Variants in PSMD12 observed in about 807,000 individuals in gnomAD.
The protein encoded by PSMD12 is 26S proteasome non-ATPase regulatory subunit 12.
A neutral mutation model predicts 62.9 loss-of-function variants in PSMD12; 8 were observed. The ratio of observed to expected loss-of-function variants is 0.13; its 90% CI spans 0.07 to 0.23. The LOEUF (loss-of-function observed/expected upper bound fraction) is 0.23, where lower values mean the gene tolerates loss of function less well. Among genes scored for constraint, PSMD12 ranks in the 10% least tolerant of loss-of-function variants. PSMD12 has a pLI of 1.00. For missense variants in PSMD12, 424 were observed against 550.2 expected, an observed-to-expected ratio of 0.77 and a Z score of 2.29; for synonymous variants, 173 against 187.4, an observed-to-expected ratio of 0.92 and a Z score of 0.63.
chr17:67,341,100 C>A, intron 10 of PSMD12, 48 bp from the exon 11 acceptor site: 1 of 1,403,650 alleles, frequency 7.1e-7, no homozygotes, highest in Non-Finnish European at 9.6e-7. Context: ...AAATTACAGA[C>A]AATAAACAAA....
intron 4 of PSMD12, among the ~76,000 whole-genome samples, chr17:67,349,308 T>G (rs1448973475): frequency 6.6e-6 from 1 of 152,228 alleles, no homozygotes; most frequent in Non-Finnish European, 1.5e-5. Flanking sequence ...CGTGAGCCAC[T>G]GTGCCTGGCC....
Position 67,340,745 on chromosome 17 carries a change from CAAA to C in PSMD12, c.*95_*97del, listed in dbSNP as rs2041905613. 4.3e-6 allele frequency: 4 copies of C among 931,318 alleles called. No individual in the cohort carries two copies. Among genetic ancestry groups the C allele is most frequent in the Admixed American group, 3.9e-5 (1 of 25,466 alleles). The allele number at this position is 931,318 out of a possible 1,614,324, so 57.7% of individuals were successfully genotyped here. Reference sequence around the variant, plus strand: ...ATATTCACTATTTTAAAATTTAAGACAAAGAAGCTTAGAAAAAAAACCCCAACA... The same window carrying C: ...ATATTCACTATTTTAAAATTTAAGACGAAGCTTAGAAAAAAAACCCCAACA... On this transcript the variant is annotated 3_prime_UTR_variant, in exon 11 of 11. Coordinates refer to ENST00000356126, the MANE Select transcript of PSMD12 (RefSeq NM_002816.5).
At position 67,340,595 on chromosome 17, in the gene PSMD12, T is replaced by C. The variant is rs902976251; in HGVS notation, c.*248A>G. 3.3e-5 allele frequency: 12 copies of C among 359,980 alleles called. No homozygotes were observed. In the Admixed American group the frequency reaches 5.3e-4, roughly 16 times the overall value. 22.3% of individuals were successfully genotyped at this position (359,980 alleles called of 1,614,324 possible). A position where few individuals can be genotyped will look rare whatever the true frequency, so the allele number is the denominator to read the frequency against. ...AGGTTTCAAATGATAGAAAAACATATCTGGGTAAGTTATGACACAACTTTT... is the reference window on the plus strand; with the variant it reads ...AGGTTTCAAATGATAGAAAAACATACCTGGGTAAGTTATGACACAACTTTT... On this transcript the variant is annotated 3_prime_UTR_variant, in exon 11 of 11. Coordinates refer to ENST00000356126, the MANE Select transcript of PSMD12 (RefSeq NM_002816.5).
chr17:67,342,564 A>G (rs2041924754), intron 9 of PSMD12: 1 of 187,564 alleles, frequency 5.3e-6, no homozygotes, highest in African/African-American at 2.3e-5. Context: ...GTACTGAAAT[A>G]TTTTTGCTGA....
chr17:67,344,759 G>C lies in PSMD12; in HGVS notation c.930C>G (p.Thr310=). ...PKYKDLLKLF[T]TMELMRWSTL... is the part of the protein sequence containing the mutation. ...TGGACCAACGCATCAACTCCATTGTGGTAAAAAGCTTTAAAAGATCCCTGA... is the reference window on the plus strand; with the variant it reads ...TGGACCAACGCATCAACTCCATTGTCGTAAAAAGCTTTAAAAGATCCCTGA... The change falls in exon 9 of 11, where the codon ACC becomes ACG. Residue 310 remains threonine (T), a synonymous_variant. Coordinates refer to ENST00000356126, the MANE Select transcript of PSMD12 (RefSeq NM_002816.5). The C allele has an allele frequency of 6.3e-7, 1 of 1,586,676 alleles. No homozygotes were observed. Among genetic ancestry groups the C allele is most frequent in the Non-Finnish European group, 8.6e-7 (1 of 1,164,576 alleles).
At chr17:67,344,891 T>A in intron 8 of PSMD12, 111 bp from the exon 9 acceptor site, 1 of 890,304 alleles carries the variant, frequency 1.1e-6, no homozygotes, top group Non-Finnish European at 1.7e-6. Context: ...AAATTTTATT[T>A]AGTAGAATGA....
At chr17:67,364,550 A>G (rs2042162367) in intron 1 of PSMD12, among the ~76,000 whole-genome samples, 1 of 152,254 alleles carries the variant, frequency 6.6e-6, no homozygotes, top group South Asian at 2.1e-4. Flanking sequence ...TGGTATTAAC[A>G]GAAATTCATA....
rs747024142 is a variant in PSMD12 at position 67,347,214 on chromosome 17, G to A, written c.697C>T (p.Leu233=). 18 of 1,613,596 alleles carry A rather than the reference G, an allele frequency of 1.1e-5. No homozygotes were observed. The highest frequency in any genetic ancestry group is 6.7e-5 in the Admixed American group (4 of 59,976). Residue 233 remains leucine (L), a synonymous_variant, in exon 7 of 11, where the codon CTG becomes TTG. Transcript: ENST00000356126. ...AAATAGGATCCCTCATGTTGATCCAGCTGAATCATTAAATTATAGTACTTC... is the reference window on the plus strand; with the variant it reads ...AAATAGGATCCCTCATGTTGATCCAACTGAATCATTAAATTATAGTACTTC... The part of the protein sequence containing the change: ...KLKYYNLMIQ[L]DQHEGSYLSI...
chr17:67,352,196 GA>G (rs2042025370), intron 3 of PSMD12, among the ~76,000 whole-genome samples: 2 of 152,000 alleles, frequency 1.3e-5, no homozygotes, highest in South Asian at 4.2e-4. Context: ...GGGCTCATGT[GA>G]TCTTCCCACC....
chr17:67,351,531 A>G (rs1230208295), intron 3 of PSMD12, among the ~76,000 whole-genome samples: 1 of 151,906 alleles, frequency 6.6e-6, no homozygotes, highest in Non-Finnish European at 1.5e-5. Flanking sequence ...ATTTCCACGA[A>G]AAACATTTAA....
rs1206447509 is a variant in PSMD12, at chr17:67,357,500, TC to T, written c.168+18del. 1.2e-6 allele frequency: 2 copies of T among 1,613,280 alleles called. No individual in the cohort carries two copies. Among genetic ancestry groups the T allele is most frequent in the African/African-American group, 1.3e-5 (1 of 75,018 alleles). ...AATGAAATTAATGGTAACTGAGCTT[TC>T]CCCTGTAAACTACTCACAGTACGAG... On this transcript the variant is annotated intron_variant, in intron 2 of 10. Coordinates refer to ENST00000356126, the MANE Select transcript of PSMD12 (RefSeq NM_002816.5).
chr17:67,359,000 C>T (rs1452448381), intron 1 of PSMD12, among the ~76,000 whole-genome samples: 1 of 152,096 alleles, frequency 6.6e-6, no homozygotes, highest in African/African-American at 2.4e-5. Context: ...AGGAGTAAAA[C>T]AAGTTATCCT....
chr17:67,352,781 C>A (rs999099280), intron 3 of PSMD12, among the ~76,000 whole-genome samples: 3 of 152,190 alleles, frequency 2.0e-5, no homozygotes, highest in Non-Finnish European at 2.9e-5. Flanking sequence ...ACCCTTCGGT[C>A]CAGTGTCTCC....
chr17:67,350,384 C>A (rs1024840969), intron 3 of PSMD12, 48 bp from the exon 4 acceptor site: 1 of 1,355,176 alleles, frequency 7.4e-7, no homozygotes, highest in African/African-American at 1.5e-5. Flanking sequence ...CCTCACAGAG[C>A]GAAAAAATGT....
At chr17:67,344,834 T>C (rs2041949194) in intron 8 of PSMD12, 54 bp from the exon 9 acceptor site, 1 of 1,359,460 alleles carries the variant, frequency 7.4e-7, no homozygotes, top group Admixed American at 2.5e-5. Flanking sequence ...AAGTATTAAC[T>C]AATATAATAG....
At chr17:67,341,209 C>T (rs2041911805) in intron 10 of PSMD12, among the ~76,000 whole-genome samples, 157 bp from the exon 11 acceptor site, 1 of 152,032 alleles carries the variant, frequency 6.6e-6, no homozygotes, top group Non-Finnish European at 1.5e-5. Context: ...TGGCTCACAC[C>T]TGTAATCCCA....
At chr17:67,352,605 C>A (rs1447504938) in intron 3 of PSMD12, among the ~76,000 whole-genome samples, 1 of 152,178 alleles carries the variant, frequency 6.6e-6, no homozygotes, top group Non-Finnish European at 1.5e-5. Context: ...AAAACAACAA[C>A]TACAGTAGTC....
At chr17:67,358,486 T>TGA (rs1337996990) in intron 1 of PSMD12, among the ~76,000 whole-genome samples, 3 of 143,210 alleles carry the variant, frequency 2.1e-5, no homozygotes, top group Non-Finnish European at 4.5e-5. Flanking sequence ...GAGGCTGGCT[T>TGA]GAGCCATGGA....
rs2041885556 is a variant in PSMD12, at chr17:67,339,086, C to A, written c.*1757G>T. 1 of 151,672 alleles carries A rather than the reference C, an allele frequency of 6.6e-6. No individual in the cohort carries two copies. Among genetic ancestry groups the A allele is most frequent in the African/African-American group, 2.4e-5 (1 of 41,272 alleles). 9.4% of individuals were successfully genotyped at this position (151,672 alleles called of 1,614,324 possible). A position where few individuals can be genotyped will look rare whatever the true frequency, so the allele number is the denominator to read the frequency against. On this transcript the variant is annotated 3_prime_UTR_variant, in exon 11 of 11. Transcript: ENST00000356126. Reference sequence around the variant, plus strand: ...TAAAACCATACTCTGTTAGTGTGAACTTCTGTTTCTGAACTTTCCAGTTTT... The same window carrying A: ...TAAAACCATACTCTGTTAGTGTGAAATTCTGTTTCTGAACTTTCCAGTTTT...
Sources: allele counts gnomAD v4.1 joint callset (sites outside exome capture counted in the v4.1 genomes callset), GRCh38; gene constraint gnomAD v4.1.1; transcripts MANE v1.5; gene names NCBI Gene and HGNC (gene_info 2026-07-23, HGNC 2026-07-21).